The following ST3GAL4 variants were observed in gnomAD, a reference collection of about 807,000 sequenced individuals.
ST3GAL4 encodes the protein ST3 beta-galactoside alpha-2,3-sialyltransferase 4.
In ST3GAL4, 24 loss-of-function variants were observed where a neutral mutation model predicts 42.6. The observed-to-expected ratio is 0.56, with a 90% CI of 0.41 to 0.79. The LOEUF is 0.79. Among genes scored for constraint, ST3GAL4 ranks in the 30% least tolerant of loss-of-function variants. ST3GAL4 has a pLI of 0.00. For synonymous variants in ST3GAL4, 135 were observed against 163.2 expected (o/e 0.83, Z 1.32); for missense variants, 311 against 430.8 (o/e 0.72, Z 2.46).
chr11:126,379,862 A>G lies in ST3GAL4; in HGVS notation c.-61+24020A>G, dbSNP rs1022258786. On this transcript the variant is annotated intron_variant, in intron 1 of 10. Coordinates refer to ENST00000444328, the MANE Select transcript of ST3GAL4 (RefSeq NM_001254757.2). The surrounding 1 kb of genome is among the most constrained non-coding windows in gnomAD (Gnocchi z 4.2). The stretch of plus-strand genomic sequence containing the variant: ...TCATTAGCTGTGAAACATGTACCCA[A>G]GGTTCAAGATCCTGACATTTTGCTA... Among the ~76,000 whole-genome samples, 7 of 152,192 alleles carry G rather than the reference A, an allele frequency of 4.6e-5. No individual in the cohort carries two copies. The highest frequency in any genetic ancestry group is 1.7e-4 in the African/African-American group (7 of 41,442).
At chr11:126,402,997 C>T (rs1197309606) in intron 1 of ST3GAL4, among the ~76,000 whole-genome samples, 1 of 152,208 alleles carries the variant, frequency 6.6e-6, no homozygotes, top group African/African-American at 2.4e-5. Flanking sequence ...CCCAGGTACT[C>T]TACTGTGGCT....
Position 126,414,166 on chromosome 11 carries a change from G to C in ST3GAL4, c.*119G>C. ...ACTTGGACTCACCCCCTCTTGGGGA[G>C]GGAGTTCTGGGCCTGGCCAGGTCTG... On this transcript the variant is annotated 3_prime_UTR_variant, in exon 11 of 11. Transcript: ENST00000444328. The C allele has an allele frequency of 1.0e-6, 1 of 953,058 alleles. No homozygotes were observed. The highest frequency in any genetic ancestry group is 1.4e-5 in the South Asian group (1 of 73,466). The allele number at this position is 953,058 out of a possible 1,614,324, so 59.0% of individuals were successfully genotyped here. A position where few individuals can be genotyped will look rare whatever the true frequency, so the allele number is the denominator to read the frequency against.
chr11:126,375,798 C>T (rs1193087337), intron 1 of ST3GAL4, among the ~76,000 whole-genome samples: 1 of 151,934 alleles, frequency 6.6e-6, no homozygotes, highest in Non-Finnish European at 1.5e-5. Context: ...AGGACAGACC[C>T]CGCAACAATG....
At chr11:126,358,683 C>A (rs910198120) in intron 1 of ST3GAL4, among the ~76,000 whole-genome samples, 3 of 152,200 alleles carry the variant, frequency 2.0e-5, no homozygotes, top group African/African-American at 7.2e-5. Context: ...TGGGTTGTTG[C>A]ATTTCGGGGT....
At chr11:126,404,967 G>A (rs760984004) in intron 1 of ST3GAL4, among the ~76,000 whole-genome samples, 3 of 152,258 alleles carry the variant, frequency 2.0e-5, no homozygotes, top group Non-Finnish European at 4.4e-5. Context: ...TGAAAACATG[G>A]AAAGTTTCCA....
At chr11:126,377,344 T>A (rs1214820364) in intron 1 of ST3GAL4, among the ~76,000 whole-genome samples, 1 of 150,812 alleles carries the variant, frequency 6.6e-6, no homozygotes, top group Non-Finnish European at 1.5e-5. Flanking sequence ...CTAATTTTTG[T>A]GTTTTTAGTA....
chr11:126,406,008 A>C lies in ST3GAL4; in HGVS notation c.-60-88A>C. ...AGCTTCCTGCTTTCTGGTGGAAGGG[A>C]GGGGCAGACAGTGGGTGTGTCCTGC... On this transcript the variant is annotated intron_variant, in intron 1 of 10. Transcript: ENST00000444328. The surrounding 1 kb of genome is among the most constrained non-coding windows in gnomAD (Gnocchi z 5.4). The C allele has an allele frequency of 6.9e-7, 1 of 1,451,868 alleles. No individual in the cohort carries two copies. Among genetic ancestry groups the C allele is most frequent in the Non-Finnish European group, 9.4e-7 (1 of 1,062,482 alleles). 89.9% of individuals were successfully genotyped at this position (1,451,868 alleles called of 1,614,324 possible).
In ST3GAL4 at chr11:126,392,960, C is replaced by CTT. The variant is rs34002567; in HGVS notation, c.-60-13119_-60-13118dup. ...ATTTGTAACACGACCAACTCCTGTT[C>CTT]TTTTTTTTTTTTTTTTTTGAGACAG... On this transcript the variant is annotated intron_variant, in intron 1 of 10. Coordinates refer to ENST00000444328, the MANE Select transcript of ST3GAL4 (RefSeq NM_001254757.2). The surrounding 1 kb of genome is among the most constrained non-coding windows in gnomAD (Gnocchi z 5.8). 0.019 allele frequency among the ~76,000 whole-genome samples: 2,367 copies of CTT among 127,784 alleles called. 70 individuals are homozygous for CTT. Among genetic ancestry groups the CTT allele is most frequent in the African/African-American group, 0.044 (1,475 of 33,472 alleles). The allele number at this position is 127,784 out of a possible 152,430, so 83.8% of individuals were successfully genotyped here.
chr11:126,373,059 A>G lies in ST3GAL4; in HGVS notation c.-61+17217A>G, dbSNP rs1952714347. ...ATATATTCAAGTATTTGTTGATTACATGCACTGTACCTGACTTGTTTAAAG... is the reference window on the plus strand; with the variant it reads ...ATATATTCAAGTATTTGTTGATTACGTGCACTGTACCTGACTTGTTTAAAG... On this transcript the variant is annotated intron_variant, in intron 1 of 10. Transcript: ENST00000444328. This position sits in a 1 kb window ranked among gnomAD's most constrained non-coding sequence, Gnocchi z 5.5. 6.6e-6 allele frequency among the ~76,000 whole-genome samples: 1 copy of G among 152,226 alleles called. No homozygotes were observed. The highest frequency in any genetic ancestry group is 1.5e-5 in the Non-Finnish European group (1 of 68,040).
At chr11:126,390,629 T>TTTA (rs1399452816) in intron 1 of ST3GAL4, among the ~76,000 whole-genome samples, 11 of 151,322 alleles carry the variant, frequency 7.3e-5, no homozygotes, top group Non-Finnish European at 1.6e-4. Flanking sequence ...TTTTTTTTTT[T>TTTA]TTTTTTTTAT....
intron 1 of ST3GAL4, among the ~76,000 whole-genome samples, chr11:126,367,744 C>A (rs1952487335): frequency 6.6e-6 from 1 of 152,096 alleles, no homozygotes; most frequent in Non-Finnish European, 1.5e-5. Flanking sequence ...CATTTTTGAG[C>A]TCTCTGATCT....
In ST3GAL4 at chr11:126,383,523, C is replaced by T. The variant is rs1565405569; in HGVS notation, c.-60-22573C>T. Among the ~76,000 whole-genome samples, 1 of 152,082 alleles carries T rather than the reference C, an allele frequency of 6.6e-6. No homozygotes were observed. The highest frequency in any genetic ancestry group is 1.5e-5 in the Non-Finnish European group (1 of 67,994). On this transcript the variant is annotated intron_variant, in intron 1 of 10. Transcript: ENST00000444328. The surrounding 1 kb of genome is among the most constrained non-coding windows in gnomAD (Gnocchi z 4.5). ...TGGGGGGGCCCTCAAGCCCCGGAAGCTGTATGTGGGCATGGGGGGCGGGGG... is the reference window on the plus strand; with the variant it reads ...TGGGGGGGCCCTCAAGCCCCGGAAGTTGTATGTGGGCATGGGGGGCGGGGG...
Position 126,376,539 on chromosome 11 carries a change from T to G in ST3GAL4, c.-61+20697T>G, listed in dbSNP as rs1952838118. 6.6e-6 allele frequency among the ~76,000 whole-genome samples: 1 copy of G among 152,232 alleles called. No homozygotes were observed. Among genetic ancestry groups the G allele is most frequent in the Non-Finnish European group, 1.5e-5 (1 of 68,042 alleles). On this transcript the variant is annotated intron_variant, in intron 1 of 10. Transcript: ENST00000444328. The surrounding 1 kb of genome is among the most constrained non-coding windows in gnomAD (Gnocchi z 5.1). ...TGGCTACTTATGATTGGCTGAAGTT[T>G]TATTTGTGTCAAACAGAAGCATTTA...
chr11:126,405,134 C>T (rs1463223744), intron 1 of ST3GAL4, among the ~76,000 whole-genome samples: 2 of 152,194 alleles, frequency 1.3e-5, no homozygotes, highest in Non-Finnish European at 2.9e-5. Flanking sequence ...AGGAAGTGGT[C>T]CAAAGGACTC....
intron 1 of ST3GAL4, among the ~76,000 whole-genome samples, chr11:126,404,793 C>A (rs944296703): frequency 6.6e-6 from 1 of 152,220 alleles, no homozygotes; most frequent in African/African-American, 2.4e-5. Context: ...TCTCCTCTGA[C>A]TCAAGACTCT....
rs963334512 is a variant in ST3GAL4 at position 126,384,606 on chromosome 11, C to T, written c.-60-21490C>T. On this transcript the variant is annotated intron_variant, in intron 1 of 10. Coordinates refer to ENST00000444328, the MANE Select transcript of ST3GAL4 (RefSeq NM_001254757.2). This position sits in a 1 kb window ranked among gnomAD's most constrained non-coding sequence, Gnocchi z 5.5. ...GCCCTTCTGGGAAGGCTGAATGGGGCGGAACTGGTCAGGGCCTGGCACCAA... is the reference window on the plus strand; with the variant it reads ...GCCCTTCTGGGAAGGCTGAATGGGGTGGAACTGGTCAGGGCCTGGCACCAA... The T allele has an allele frequency of 1.9e-5, 17 of 892,020 alleles. No individual in the cohort carries two copies. Among genetic ancestry groups the T allele is most frequent in the Non-Finnish European group, 2.1e-5 (16 of 744,872 alleles). 55.3% of individuals were successfully genotyped at this position (892,020 alleles called of 1,614,324 possible).
At chr11:126,367,948 G>A (rs1952495210) in intron 1 of ST3GAL4, among the ~76,000 whole-genome samples, 1 of 151,894 alleles carries the variant, frequency 6.6e-6, no homozygotes, top group African/African-American at 2.4e-5. Flanking sequence ...AGGATTTTGA[G>A]ACCAGCCTGG....
rs1952445057 is a variant in ST3GAL4, at chr11:126,366,783, G to C, written c.-61+10941G>C. 6.6e-6 allele frequency among the ~76,000 whole-genome samples: 1 copy of C among 152,190 alleles called. No homozygotes were observed. The highest frequency in any genetic ancestry group is 6.5e-5 in the Admixed American group (1 of 15,282). On this transcript the variant is annotated intron_variant, in intron 1 of 10. Transcript: ENST00000444328. This position sits in a 1 kb window ranked among gnomAD's most constrained non-coding sequence, Gnocchi z 4.2. ...TGTTCTGGTGAGGGGAGGCGGGAGTGCAAGGTCTGCCGAGTGAGGGTTCCT... is the reference window on the plus strand; with the variant it reads ...TGTTCTGGTGAGGGGAGGCGGGAGTCCAAGGTCTGCCGAGTGAGGGTTCCT...
chr11:126,387,844 G>GT (rs1336816652), intron 1 of ST3GAL4, among the ~76,000 whole-genome samples: 1 of 152,194 alleles, frequency 6.6e-6, no homozygotes, highest in Admixed American at 6.5e-5. Flanking sequence ...GGGTATGCAT[G>GT]TAACTGTTTT....
Sources: allele counts gnomAD v4.1 joint callset (sites outside exome capture counted in the v4.1 genomes callset), GRCh38; gene constraint gnomAD v4.1.1; non-coding constraint Gnocchi (gnomAD v3.1); transcripts MANE v1.5; gene names NCBI Gene and HGNC (gene_info 2026-07-23, HGNC 2026-07-21).